The following ZNF462 variants were observed in gnomAD, a reference collection of about 807,000 sequenced individuals.
The protein encoded by ZNF462 is zinc finger protein 462.
ZNF462 carries 10 observed loss-of-function variants against 201.9 expected under a neutral mutation model. That is an observed-to-expected ratio of 0.05 (90% CI 0.03 to 0.08). ZNF462 has a LOEUF of 0.08. ZNF462 is among the 10% of genes least tolerant of loss of function. The pLI is 1.00. For missense variants in ZNF462, 2,523 were observed against 3,168.3 expected, an observed-to-expected ratio of 0.80 and a Z score of 4.89; for synonymous variants, 1,227 against 1,193.3, an observed-to-expected ratio of 1.03 and a Z score of -0.58.
chr9:106,982,850 G>A (rs1169030236), intron 9 of ZNF462, among the ~76,000 whole-genome samples: 3 of 152,072 alleles, frequency 2.0e-5, no homozygotes, highest in Non-Finnish European at 2.9e-5. Flanking sequence ...CCTAGAGCCT[G>A]CACACTGGCC....
intron 1 of ZNF462, among the ~76,000 whole-genome samples, chr9:106,891,266 C>G (rs1424895509): frequency 6.6e-6 from 1 of 152,220 alleles, no homozygotes; most frequent in African/African-American, 2.4e-5. Context: ...GTCTTGAATT[C>G]TTAGACTTTC....
chr9:106,963,659 C>G lies in ZNF462; in HGVS notation c.6428-8346C>G, dbSNP rs1403731836. Among the ~76,000 whole-genome samples the G allele has an allele frequency of 6.6e-6, 1 of 152,022 alleles. No homozygotes were observed. Among genetic ancestry groups the G allele is most frequent in the Non-Finnish European group, 1.5e-5 (1 of 67,962 alleles). ...TAAGGAACCTAACAGATGATCTTGT[C>G]TAAAGGCACCTAAAAAAATTACTGC... On this transcript the variant is annotated intron_variant, in intron 7 of 12. Transcript: ENST00000277225. This position sits in a 1 kb window ranked among gnomAD's most constrained non-coding sequence, Gnocchi z 4.7.
chr9:106,925,378 A>T lies in ZNF462; in HGVS notation c.1466A>T (p.Lys489Ile). The change falls in exon 3 of 13, where the codon AAA becomes ATA. Residue 489 changes from lysine to isoleucine, a missense_variant. Physicochemically the swap from Lys to Ile is moderately radical, Grantham distance 102 (BLOSUM62 -3). Around this residue, in one of 15 missense-constraint regions of ZNF462, gnomAD observed 383 missense variants for 453.4 expected, o/e 0.84. Coordinates refer to ENST00000277225, the MANE Select transcript of ZNF462 (RefSeq NM_021224.6). This position sits in a 1 kb window ranked among gnomAD's most constrained non-coding sequence, Gnocchi z 7.9. ...AGCTCGTTGAAACTTGGGGCTCACA[A>T]ACAGTGTCACACGGGTACAACGTCA... is the stretch of plus-strand genomic sequence containing the variant. ...CKSSLKLGAH[K>I]QCHTGTTSDW... 1 of 1,614,214 alleles carries T rather than the reference A, an allele frequency of 6.2e-7. No homozygotes were observed. Among genetic ancestry groups the T allele is most frequent in the Non-Finnish European group, 8.5e-7 (1 of 1,180,036 alleles).
At position 106,944,933 on chromosome 9, in the gene ZNF462, A is replaced by G. The variant is rs145054054; in HGVS notation, c.6427+5826A>G. Among the ~76,000 whole-genome samples, 5 of 152,328 alleles carry G rather than the reference A, an allele frequency of 3.3e-5. No homozygotes were observed. The East Asian group carries it at 9.6e-4, about 29-fold the overall frequency. ...CTTAATTCTGCCATTGTAACGTGAAAGTAGCCATAGACAATATGTAAACAA... is the reference window on the plus strand; with the variant it reads ...CTTAATTCTGCCATTGTAACGTGAAGGTAGCCATAGACAATATGTAAACAA... On this transcript the variant is annotated intron_variant, in intron 7 of 12. Transcript: ENST00000277225.
chr9:106,929,339 C>A lies in ZNF462; in HGVS notation c.5427C>A (p.Ala1809=), dbSNP rs137891970. 1 of 1,613,958 alleles carries A rather than the reference C, an allele frequency of 6.2e-7. No homozygotes were observed. The highest frequency in any genetic ancestry group is 1.7e-5 in the Admixed American group (1 of 60,004). Residue 1809 remains alanine (A), a synonymous_variant, in exon 3 of 13, where the codon GCC becomes GCA. Coordinates refer to ENST00000277225, the MANE Select transcript of ZNF462 (RefSeq NM_021224.6). This position sits in a 1 kb window ranked among gnomAD's most constrained non-coding sequence, Gnocchi z 8.7. ...GCAAGTTGGGGGGCTACTTCACGGC[C>A]GTCTATGCAGATGAGCATGAGAAGC... ...HASKLGGYFT[A]VYADEHEKPT...
intron 1 of ZNF462, among the ~76,000 whole-genome samples, chr9:106,904,096 T>C (rs1261470011): frequency 2.6e-5 from 4 of 152,224 alleles, no homozygotes; most frequent in Non-Finnish European, 5.9e-5. Flanking sequence ...TTAGAGTTCC[T>C]TTTAGCAGTT....
chr9:106,897,559 T>A (rs1828864883), intron 1 of ZNF462, among the ~76,000 whole-genome samples: 1 of 152,160 alleles, frequency 6.6e-6, no homozygotes, highest in Non-Finnish European at 1.5e-5. Flanking sequence ...TCTCATCCCC[T>A]AAATACACCA....
intron 1 of ZNF462, among the ~76,000 whole-genome samples, chr9:106,915,023 C>A (rs866019080): frequency 2.6e-5 from 4 of 151,938 alleles, no homozygotes; most frequent in Non-Finnish European, 4.4e-5. Context: ...GTCCTTTGTA[C>A]AAAAAGGTTG....
chr9:106,891,307 A>G (rs1204029472), intron 1 of ZNF462, among the ~76,000 whole-genome samples: 1 of 152,204 alleles, frequency 6.6e-6, no homozygotes, highest in African/African-American at 2.4e-5. Context: ...TTTAATTCCA[A>G]AATAATTTTT....
In ZNF462 at chr9:106,966,798, T is replaced by G. The variant is rs1402930205; in HGVS notation, c.6428-5207T>G. Among the ~76,000 whole-genome samples, 1 of 152,134 alleles carries G rather than the reference T, an allele frequency of 6.6e-6. No individual in the cohort carries two copies. The highest frequency in any genetic ancestry group is 1.9e-4 in the East Asian group (1 of 5,184). ...TTTGCTTGCCTAAAATTCCTTGTCT[T>G]TTATTTTTTCTTGGTACTTGATTCA... On this transcript the variant is annotated intron_variant, in intron 7 of 12. Coordinates refer to ENST00000277225, the MANE Select transcript of ZNF462 (RefSeq NM_021224.6). This position sits in a 1 kb window ranked among gnomAD's most constrained non-coding sequence, Gnocchi z 4.4.
In ZNF462 at chr9:107,005,502, A is replaced by T. The variant is rs1399653851; in HGVS notation, c.7189+2076A>T. Among the ~76,000 whole-genome samples the T allele has an allele frequency of 6.6e-6, 1 of 152,104 alleles. No homozygotes were observed. Among genetic ancestry groups the T allele is most frequent in the Non-Finnish European group, 1.5e-5 (1 of 68,004 alleles). ...TTTCATATGCCTGCTGGCCATTTGTATGTCTTCTTTTGAGAAATGTCTACT... is the reference window on the plus strand; with the variant it reads ...TTTCATATGCCTGCTGGCCATTTGTTTGTCTTCTTTTGAGAAATGTCTACT... On this transcript the variant is annotated intron_variant, in intron 11 of 12. Transcript: ENST00000277225. The surrounding 1 kb of genome is among the most constrained non-coding windows in gnomAD (Gnocchi z 4.4).
At chr9:106,878,963 A>T (rs1422574442) in intron 1 of ZNF462, among the ~76,000 whole-genome samples, 1 of 152,026 alleles carries the variant, frequency 6.6e-6, no homozygotes, top group Non-Finnish European at 1.5e-5. Context: ...CTGTCCCCAC[A>T]TTTGGATAGA....
At chr9:106,906,559 G>A (rs1408367361) in intron 1 of ZNF462, among the ~76,000 whole-genome samples, 1 of 152,166 alleles carries the variant, frequency 6.6e-6, no homozygotes, top group Non-Finnish European at 1.5e-5. Flanking sequence ...TGGATTGTCT[G>A]AGGTTATTGA....
chr9:106,951,469 TAAGA>T (rs1378663595), intron 7 of ZNF462, among the ~76,000 whole-genome samples: 1 of 152,158 alleles, frequency 6.6e-6, no homozygotes, highest in Non-Finnish European at 1.5e-5. Context: ...AAAACAAGGG[TAAGA>T]AAGAAGCTTT....
intron 9 of ZNF462, among the ~76,000 whole-genome samples, chr9:106,982,635 A>G (rs989322010): frequency 1.3e-5 from 2 of 152,208 alleles, no homozygotes; most frequent in African/African-American, 4.8e-5. Context: ...ATATTTCTAA[A>G]TAAGCAACTG....
At chr9:106,875,143 G>T (rs1827773000) in intron 1 of ZNF462, among the ~76,000 whole-genome samples, 1 of 152,128 alleles carries the variant, frequency 6.6e-6, no homozygotes, top group African/African-American at 2.4e-5. Context: ...TGTTTCCAAT[G>T]TGCTTCTGCC....
In ZNF462 at chr9:106,923,257, C is replaced by T; in HGVS notation, c.-30-97C>T. On this transcript the variant is annotated intron_variant, in intron 1 of 12. Coordinates refer to ENST00000277225, the MANE Select transcript of ZNF462 (RefSeq NM_021224.6). This position sits in a 1 kb window ranked among gnomAD's most constrained non-coding sequence, Gnocchi z 5.6. Reference sequence around the variant, plus strand: ...GTCCAATAAGAGAAATCTACTGATACTGGAATTTTTTCCCATTAATGGATA... The same window carrying T: ...GTCCAATAAGAGAAATCTACTGATATTGGAATTTTTTCCCATTAATGGATA... 3.5e-6 allele frequency: 3 copies of T among 857,588 alleles called. 1 individual carries two copies. In the South Asian group the frequency reaches 5.0e-5, roughly 14 times the overall value. The allele number at this position is 857,588 out of a possible 1,614,324, so 53.1% of individuals were successfully genotyped here. A position where few individuals can be genotyped will look rare whatever the true frequency, so the allele number is the denominator to read the frequency against.
At chr9:106,862,297 A>C (rs1337155035), upstream of ZNF462, among the ~76,000 whole-genome samples, 1 of 152,100 alleles carries the variant, frequency 6.6e-6, no homozygotes, top group Non-Finnish European at 1.5e-5. The surrounding 1 kb of genome is among the most constrained non-coding windows in gnomAD (Gnocchi z 4.2). Flanking sequence ...GTTGGCCTCT[A>C]GATGGATGCA....
chr9:106,938,858 C>T lies in ZNF462; in HGVS notation c.6236-58C>T. ...CTGAGTTATCTTGTTTCCACCCTGG[C>T]CTTATACCCTTCTCCCCTCTTTTTC... On this transcript the variant is annotated intron_variant, in intron 6 of 12. Coordinates refer to ENST00000277225, the MANE Select transcript of ZNF462 (RefSeq NM_021224.6). This position sits in a 1 kb window ranked among gnomAD's most constrained non-coding sequence, Gnocchi z 4.4. 1 of 1,517,522 alleles carries T rather than the reference C, an allele frequency of 6.6e-7. No homozygotes were observed. The highest frequency in any genetic ancestry group is 2.3e-5 in the East Asian group (1 of 43,680). The allele number at this position is 1,517,522 out of a possible 1,614,324, so 94.0% of individuals were successfully genotyped here. A position where few individuals can be genotyped will look rare whatever the true frequency, so the allele number is the denominator to read the frequency against.
Sources: gnomAD v4.1 joint callset for allele counts (sites outside exome capture counted in the v4.1 genomes callset) on GRCh38, gnomAD v4.1.1 for gene constraint, gnomAD v4.1.1 regional missense constraint, Gnocchi (gnomAD v3.1) non-coding constraint, MANE v1.5 for transcripts, NCBI Gene and HGNC (gene_info 2026-07-23, HGNC 2026-07-21) for gene names.